The following GUCY2F variants were observed in gnomAD, a reference collection of about 807,000 sequenced individuals.
GUCY2F encodes the protein guanylate cyclase 2F, retinal.
Under a neutral mutation model 73.1 loss-of-function variants are expected in GUCY2F, and 61 were observed. That is an observed-to-expected ratio of 0.83 (90% confidence interval 0.68 to 1.03). The LOEUF (loss-of-function observed/expected upper bound fraction) is 1.03, where lower values mean the gene tolerates loss of function less well. Ranked by LOEUF, GUCY2F falls within the 50% of genes least tolerant of loss-of-function variation. The pLI is 0.00. For synonymous variants in GUCY2F, 331 were observed against 307.8 expected (o/e 1.08, Z -0.79); for missense variants, 912 against 854.3 (o/e 1.07, Z -0.84).
intron 11 of GUCY2F, 65 bp downstream of exon 11, chrX:109,398,484 C>T: frequency 2.0e-6 from 2 of 1,001,050 alleles, no homozygotes; most frequent in Non-Finnish European, 1.4e-6. Context: ...TCATGACAGC[C>T]TGAGTTGGTC....
intron 2 of GUCY2F, among the ~76,000 whole-genome samples, chrX:109,473,681 C>G (rs1473734061): frequency 8.9e-6 from 1 of 111,809 alleles, no homozygotes; most frequent in Non-Finnish European, 1.9e-5. Flanking sequence ...GCACTCAATC[C>G]TAATTCTTCT....
At chrX:109,477,966 C>G (rs1171078248) in intron 1 of GUCY2F, among the ~76,000 whole-genome samples, 1 of 111,823 alleles carries the variant, frequency 8.9e-6, no homozygotes, top group Admixed American at 9.5e-5. Flanking sequence ...GGGGAGCAAA[C>G]AGTTCACAAA....
At chrX:109,444,259 T>C (rs1170290146) in intron 6 of GUCY2F, among the ~76,000 whole-genome samples, 1 of 112,375 alleles carries the variant, frequency 8.9e-6, no homozygotes, top group Non-Finnish European at 1.9e-5. Context: ...AGGGTTATAA[T>C]TGAAAATTAA....
At chrX:109,418,234 G>A (rs748895032) in intron 8 of GUCY2F, among the ~76,000 whole-genome samples, 21 of 111,533 alleles carry the variant, frequency 1.9e-4, no homozygotes, top group East Asian at 1.1e-3. Flanking sequence ...AAAATTTTAC[G>A]GTAATTGATA....
intron 8 of GUCY2F, among the ~76,000 whole-genome samples, chrX:109,422,232 T>G (rs976855844): frequency 8.9e-6 from 1 of 111,789 alleles, no homozygotes; most frequent in African/African-American, 3.2e-5. Context: ...TGATTATACC[T>G]GAATAGAAAA....
intron 4 of GUCY2F, among the ~76,000 whole-genome samples, chrX:109,452,507 T>A (rs1207087832): frequency 8.9e-6 from 1 of 112,124 alleles, no homozygotes; most frequent in Non-Finnish European, 1.9e-5. Flanking sequence ...AAAGGCCTTT[T>A]TAATTCACCT....
intron 7 of GUCY2F, among the ~76,000 whole-genome samples, chrX:109,432,300 A>G (rs1931634786): frequency 8.9e-6 from 1 of 112,004 alleles, no homozygotes; most frequent in African/African-American, 3.3e-5. Context: ...TCCTTCATCA[A>G]AATCTGCTCT....
intron 10 of GUCY2F, among the ~76,000 whole-genome samples, chrX:109,399,341 C>A (rs950789562): frequency 2.7e-5 from 3 of 112,229 alleles, no homozygotes; most frequent in African/African-American, 9.7e-5. Flanking sequence ...GACATATGCA[C>A]CCCTAACTGC....
rs1480440454 is a variant in GUCY2F at position 109,430,385 on chromosome X, C to T, written c.1713G>A (p.Val571=). ...SNIAIYEGDW[V]WLKKFSLGDF... ...CTCCAAGGGAGAACTTTTTCAGCCA[C>T]ACCCAATCACCCTAGAAAGAAAAGG... The change falls in exon 8 of 20, where the codon GTG becomes GTA. Residue 571 remains valine, a synonymous_variant. Coordinates refer to ENST00000218006, the MANE Select transcript of GUCY2F (RefSeq NM_001522.3). 26 of 1,073,839 alleles carry T rather than the reference C, an allele frequency of 2.4e-5. No individual in the cohort carries two copies. Among genetic ancestry groups the T allele is most frequent in the African/African-American group, 5.5e-5 (3 of 54,804 alleles). The allele number at this position is 1,073,839 out of a possible 1,213,427, so 88.5% of individuals were successfully genotyped here. A position where few individuals can be genotyped will look rare whatever the true frequency, so the allele number is the denominator to read the frequency against.
Position 109,441,365 on chromosome X carries a change from TG to T in GUCY2F, c.1686del (p.Asn562LysfsTer2). The T allele has an allele frequency of 1.7e-6, 2 of 1,149,115 alleles. No individual in the cohort carries two copies. The highest frequency in any genetic ancestry group is 2.3e-6 in the Non-Finnish European group (2 of 853,257). 94.7% of individuals were successfully genotyped at this position (1,149,115 alleles called of 1,213,427 possible). A position where few individuals can be genotyped will look rare whatever the true frequency, so the allele number is the denominator to read the frequency against. ...GAATATCTTACCTCATAAATCGCTA[TG>T]TTGGAGTTTTCATAGGTAGCTGGAG... is the stretch of plus-strand genomic sequence containing the variant. ...SLTPATYENS[N>X]IAIYEGDWVW... On this transcript the variant is annotated frameshift_variant, in exon 7 of 20. Transcript: ENST00000218006. LOFTEE classifies it high-confidence loss of function.
At chrX:109,413,027 G>T (rs893452846) in intron 8 of GUCY2F, among the ~76,000 whole-genome samples, 1 of 112,201 alleles carries the variant, frequency 8.9e-6, no homozygotes, top group African/African-American at 3.2e-5. Context: ...TTAAACTTCT[G>T]CTGTGTTTGA....
chrX:109,403,075 G>T (rs754064808), intron 10 of GUCY2F, among the ~76,000 whole-genome samples: 1 of 112,037 alleles, frequency 8.9e-6, no homozygotes, highest in Admixed American at 9.4e-5. Flanking sequence ...TTGCTTTTCT[G>T]TCTTTTGTGT....
At chrX:109,423,541 T>C (rs189437195) in intron 8 of GUCY2F, among the ~76,000 whole-genome samples, 44 of 109,608 alleles carry the variant, frequency 4.0e-4, no homozygotes, top group African/African-American at 1.4e-3. Flanking sequence ...ATAAATGTTA[T>C]ACTATTTTGT....
At chrX:109,476,105 A>T in intron 1 of GUCY2F, 84 bp from the exon 2 acceptor site, 1 of 442,571 alleles carries the variant, frequency 2.3e-6, no homozygotes, top group Non-Finnish European at 3.6e-6. Context: ...TGGCAAAAAA[A>T]AAAAAAAAAT....
At chrX:109,429,287 C>T (rs1931558421) in intron 8 of GUCY2F, among the ~76,000 whole-genome samples, 2 of 110,024 alleles carry the variant, frequency 1.8e-5, no homozygotes, top group East Asian at 2.8e-4. Flanking sequence ...GTGGTGGGCA[C>T]CTGTAATCCC....
intron 7 of GUCY2F, among the ~76,000 whole-genome samples, chrX:109,437,954 C>T: frequency 8.9e-6 from 1 of 112,375 alleles, no homozygotes; most frequent in Non-Finnish European, 1.9e-5. Flanking sequence ...AAGCAGTTCT[C>T]CTCTTTGATT....
intron 8 of GUCY2F, among the ~76,000 whole-genome samples, chrX:109,413,808 C>T (rs1267764454): frequency 1.8e-5 from 2 of 111,640 alleles, no homozygotes; most frequent in Non-Finnish European, 3.8e-5. Flanking sequence ...TTAATCTCTA[C>T]GTGTCCCTCT....
chrX:109,470,442 T>C (rs1932551347), intron 2 of GUCY2F, among the ~76,000 whole-genome samples: 1 of 111,794 alleles, frequency 8.9e-6, no homozygotes, highest in Non-Finnish European at 1.9e-5. Context: ...TTGTTATCAG[T>C]ATAGGAAAAC....
chrX:109,420,220 CAAAA>C (rs749869638), intron 8 of GUCY2F, among the ~76,000 whole-genome samples: 1 of 38,051 alleles, frequency 2.6e-5, no homozygotes. Flanking sequence ...CTTAGGCCAC[CAAAA>C]AAAAAAAAAG....
Sources: gnomAD v4.1 joint callset for allele counts (sites outside exome capture counted in the v4.1 genomes callset) on GRCh38, gnomAD v4.1.1 for gene constraint, MANE v1.5 for transcripts, NCBI Gene and HGNC (gene_info 2026-07-23, HGNC 2026-07-21) for gene names.